The following UTRN variants were observed in gnomAD, a reference collection of about 807,000 sequenced individuals.
UTRN encodes the protein utrophin.
UTRN carries 283 observed loss-of-function variants against 463.9 expected under a neutral mutation model. The ratio of observed to expected loss-of-function variants is 0.61; its 90% confidence interval spans 0.55 to 0.67. The LOEUF (loss-of-function observed/expected upper bound fraction) is 0.67. UTRN is among the 30% of genes least tolerant of loss of function. The probability of loss-of-function intolerance (pLI) is 0.00; values close to 1 mark genes in which losing one functional copy is unlikely to be tolerated. For synonymous variants in UTRN, 1,442 were observed against 1,431.5 expected, an observed-to-expected ratio of 1.01 and a Z score of -0.17; for missense variants, 3,922 against 4,084.3, an observed-to-expected ratio of 0.96 and a Z score of 1.08.
intron 2 of UTRN, among the ~76,000 whole-genome samples, chr6:144,301,321 C>T (rs17073598): frequency 0.057 from 8,663 of 151,974 alleles, 714 homozygotes; most frequent in East Asian, 0.19. Flanking sequence ...TTTCAAGATA[C>T]GTAACGTGTT....
chr6:144,520,632 A>G (rs976245567), intron 39 of UTRN, among the ~76,000 whole-genome samples: 2 of 152,232 alleles, frequency 1.3e-5, no homozygotes, highest in Non-Finnish European at 2.9e-5. Context: ...TCTAGGAGGC[A>G]ATAATGCAGT....
At chr6:144,824,171 A>G (rs914802524) in intron 66 of UTRN, among the ~76,000 whole-genome samples, 7 of 152,016 alleles carry the variant, frequency 4.6e-5, no homozygotes, top group Non-Finnish European at 8.8e-5. Context: ...AGAAGATGGA[A>G]CCATATAATG....
At chr6:144,350,108 G>T (rs1038190803) in intron 2 of UTRN, among the ~76,000 whole-genome samples, 1 of 152,154 alleles carries the variant, frequency 6.6e-6, no homozygotes, top group African/African-American at 2.4e-5. Flanking sequence ...AACTTAGATT[G>T]TGAGCTGGGC....
At chr6:144,301,417 C>T (rs575131826) in intron 2 of UTRN, among the ~76,000 whole-genome samples, 33 of 151,878 alleles carry the variant, frequency 2.2e-4, no homozygotes, top group African/African-American at 7.7e-4. Flanking sequence ...TGGTGTCAGA[C>T]ATACCTTATT....
chr6:144,644,325 A>T (rs942416699), intron 51 of UTRN, among the ~76,000 whole-genome samples: 1 of 152,240 alleles, frequency 6.6e-6, no homozygotes, highest in African/African-American at 2.4e-5. Context: ...TAAGAGCTTC[A>T]TACATAGGTT....
At chr6:144,639,016 C>CTA (rs1777493846) in intron 51 of UTRN, among the ~76,000 whole-genome samples, 1 of 152,120 alleles carries the variant, frequency 6.6e-6, no homozygotes, top group African/African-American at 2.4e-5. Context: ...CTGCAGTGAA[C>CTA]TATGATCTTG....
chr6:144,364,109 G>A (rs1779304899), intron 2 of UTRN, among the ~76,000 whole-genome samples: 1 of 152,156 alleles, frequency 6.6e-6, no homozygotes, highest in African/African-American at 2.4e-5. Context: ...GGGAATATCT[G>A]GGCTCTGTTG....
At chr6:144,446,439 A>G (rs1787701285) in intron 14 of UTRN, among the ~76,000 whole-genome samples, 1 of 152,248 alleles carries the variant, frequency 6.6e-6, no homozygotes, top group African/African-American at 2.4e-5. Context: ...GAAAGAATTG[A>G]TTCCGTTGCA....
At chr6:144,549,234 A>G (rs1798688160) in intron 47 of UTRN, among the ~76,000 whole-genome samples, 1 of 152,196 alleles carries the variant, frequency 6.6e-6, no homozygotes, top group Admixed American at 6.5e-5. Flanking sequence ...TCTGATTTTA[A>G]AAGTGAATAT....
intron 1 of UTRN, among the ~76,000 whole-genome samples, chr6:144,288,671 T>C (rs1037835348): frequency 6.6e-6 from 1 of 151,420 alleles, no homozygotes; most frequent in African/African-American, 2.4e-5. Flanking sequence ...GTAGAGCCTA[T>C]AAAAAATGAA....
At chr6:144,555,433 C>T (rs2128614045) in intron 49 of UTRN, among the ~76,000 whole-genome samples, 1 of 152,202 alleles carries the variant, frequency 6.6e-6, no homozygotes, top group South Asian at 2.1e-4. Flanking sequence ...AAGTGCCACA[C>T]ATTTTATTTA....
intron 53 of UTRN, among the ~76,000 whole-genome samples, chr6:144,711,232 C>T (rs1785660400): frequency 6.6e-6 from 1 of 151,950 alleles, no homozygotes; most frequent in African/African-American, 2.4e-5. Context: ...AGTAGAATCG[C>T]TTGAACCCAG....
At chr6:144,798,078 C>G in intron 64 of UTRN, 88 bp downstream of exon 64, 1 of 1,563,332 alleles carries the variant, frequency 6.4e-7, no homozygotes, top group Non-Finnish European at 8.7e-7. Context: ...CCATTCATTC[C>G]CATTTGGAGG....
intron 69 of UTRN, among the ~76,000 whole-genome samples, chr6:144,830,151 A>G (rs911355823): frequency 3.9e-5 from 6 of 152,206 alleles, no homozygotes; most frequent in Non-Finnish European, 7.4e-5. Flanking sequence ...CCCTGTGAAC[A>G]CAGTAAAGGT....
intron 50 of UTRN, among the ~76,000 whole-genome samples, chr6:144,558,688 TC>T (rs1799598747): frequency 6.6e-6 from 1 of 151,954 alleles, no homozygotes; most frequent in Non-Finnish European, 1.5e-5. Context: ...TTAGAGAATT[TC>T]TTTATGGCCA....
chr6:144,523,540 C>T (rs184163301), intron 41 of UTRN, among the ~76,000 whole-genome samples: 2 of 152,240 alleles, frequency 1.3e-5, no homozygotes, highest in African/African-American at 2.4e-5. Flanking sequence ...GAACTCCGGA[C>T]CTCAGGCAGT....
chr6:144,557,045 C>T, intron 49 of UTRN, 112 bp from the exon 50 acceptor site: 2 of 1,325,068 alleles, frequency 1.5e-6, no homozygotes, highest in South Asian at 1.8e-5. Context: ...TGTTTTCATC[C>T]TGTGATATCT....
rs908204257 is a variant in UTRN, at chr6:144,499,549, A to G, written c.4764+122A>G. On this transcript the variant is annotated intron_variant, in intron 34 of 74. Transcript: ENST00000367545. ...TTAAATCTAGCCTTTTCTTTTTTGC[A>G]TTGTTTTTCCACTTCTCTGTCCTAA... The G allele has an allele frequency of 6.9e-6, 5 of 719,696 alleles. No homozygotes were observed. In the African/African-American group the frequency reaches 9.1e-5, roughly 13 times the overall value. 44.6% of individuals were successfully genotyped at this position (719,696 alleles called of 1,614,324 possible).
chr6:144,464,012 T>C (rs528023587), intron 23 of UTRN, among the ~76,000 whole-genome samples: 1 of 151,624 alleles, frequency 6.6e-6, no homozygotes, highest in South Asian at 2.1e-4. Flanking sequence ...TACATATATT[T>C]GGATCTACAT....
Sources: gnomAD v4.1 joint callset for allele counts (sites outside exome capture counted in the v4.1 genomes callset) on GRCh38, gnomAD v4.1.1 for gene constraint, MANE v1.5 for transcripts, NCBI Gene and HGNC (gene_info 2026-07-23, HGNC 2026-07-21) for gene names.